The following USP40 variants were observed in gnomAD, a reference collection of about 807,000 sequenced individuals.
USP40 encodes ubiquitin specific peptidase 40.
USP40 carries 143 observed loss-of-function variants against 166.2 expected under a neutral mutation model. The ratio of observed to expected loss-of-function variants is 0.86; its 90% CI spans 0.75 to 0.99. USP40 has a LOEUF of 0.99. Among genes scored for constraint, USP40 ranks in the 50% least tolerant of loss-of-function variants. The probability of loss-of-function intolerance (pLI) is 0.00; values close to 1 mark genes in which losing one functional copy is unlikely to be tolerated. For synonymous variants in USP40, 498 were observed against 524.0 expected (o/e 0.95, Z 0.68); for missense variants, 1,444 against 1,479.7 (o/e 0.98, Z 0.40).
intron 18 of USP40, 74 bp downstream of exon 18, chr2:233,519,540 T>C: frequency 4.2e-6 from 4 of 952,572 alleles, no homozygotes; most frequent in Non-Finnish European, 3.2e-6. Context: ...TTTTTTGTAT[T>C]CTCCTATATT....
intron 10 of USP40, among the ~76,000 whole-genome samples, chr2:233,535,223 C>T (rs2068850732): frequency 6.6e-6 from 1 of 152,170 alleles, no homozygotes; most frequent in South Asian, 2.1e-4. Flanking sequence ...ATGGACAGCT[C>T]AAAGAGCCCA....
rs1425332871 is a variant in USP40, at chr2:233,489,491, A to G, written c.3013-8T>C. The G allele has an allele frequency of 6.3e-7, 1 of 1,582,882 alleles. No homozygotes were observed. Among genetic ancestry groups the G allele is most frequent in the African/African-American group, 1.3e-5 (1 of 74,102 alleles). ...AGGAGGCAAGGTCATGGCCTAGAAA[A>G]AGAAACAGACATTTCTCCAACGGTT... On this transcript the variant is annotated splice_polypyrimidine_tract_variant and splice_region_variant and intron_variant, in intron 26 of 31. Coordinates refer to ENST00000678225, the MANE Select transcript of USP40 (RefSeq NM_001365479.2).
At chr2:233,484,294 T>C (rs1439630707) in intron 30 of USP40, among the ~76,000 whole-genome samples, 1 of 152,244 alleles carries the variant, frequency 6.6e-6, no homozygotes, top group Non-Finnish European at 1.5e-5. Context: ...TGGGAAGAAC[T>C]GATACCTTTA....
At chr2:233,507,078 A>G (rs747575462) in intron 21 of USP40, among the ~76,000 whole-genome samples, 4 of 152,224 alleles carry the variant, frequency 2.6e-5, no homozygotes, top group African/African-American at 4.8e-5. Flanking sequence ...AAAATGCTCA[A>G]CATCACAAAT....
chr2:233,477,409 C>T lies in USP40; in HGVS notation c.3694G>A (p.Val1232Met), dbSNP rs771086885. The T allele has an allele frequency of 5.8e-5, 94 of 1,613,556 alleles. No homozygotes were observed. The highest frequency in any genetic ancestry group is 1.6e-4 in the Middle Eastern group (1 of 6,082). ...RAPETSLSIH[V>M]GSFR The stretch of plus-strand genomic sequence containing the variant: ...CGGCGCGGTTATCTGAAGCTCCCCA[C>T]GTGGATGGAGAGAGAAGTTTCCGGG... The change falls in exon 32 of 32, where the codon GTG becomes ATG. Residue 1232 changes from valine to methionine, a missense_variant. By Grantham distance (21) the Val-to-Met change is conservative. Transcript: ENST00000678225.
chr2:233,566,179 G>A (rs537472487), intron 1 of USP40, among the ~76,000 whole-genome samples: 1 of 152,106 alleles, frequency 6.6e-6, no homozygotes, highest in Admixed American at 6.5e-5. Flanking sequence ...GGGGAGCGGA[G>A]GGCGGGGAAG....
At chr2:233,498,481 G>T in intron 23 of USP40, 67 bp downstream of exon 23, 1 of 1,415,300 alleles carries the variant, frequency 7.1e-7, no homozygotes, top group Non-Finnish European at 9.8e-7. Flanking sequence ...AGTGGAATGG[G>T]TACCTTGTAC....
chr2:233,536,632 CAG>C (rs1482379552), intron 10 of USP40, among the ~76,000 whole-genome samples: 53 of 152,210 alleles, frequency 3.5e-4, no homozygotes, highest in African/African-American at 1.3e-3. Flanking sequence ...GCCTGGGCAA[CAG>C]AGTGAGATCC....
rs900131712 is a variant in USP40, at chr2:233,513,529, A to G, written c.2384-907T>C. Among the ~76,000 whole-genome samples the G allele has an allele frequency of 2.6e-5, 4 of 152,174 alleles. No individual in the cohort carries two copies. The South Asian group carries it at 8.3e-4, about 32-fold the overall frequency. On this transcript the variant is annotated intron_variant, in intron 18 of 31. Transcript: ENST00000678225. ...ATGAATTGTGCCCTGAAGAGCTGGC[A>G]GTCAAGTGTGTACTTTATTCAGTTA...
At chr2:233,491,004 T>C in intron 26 of USP40, 163 bp downstream of exon 26, 3 of 721,096 alleles carry the variant, frequency 4.2e-6, no homozygotes, top group South Asian at 1.5e-5. Context: ...GTCTGCACCA[T>C]GGGCGTGTAT....
chr2:233,551,636 T>C (rs1246518951), intron 6 of USP40, 117 bp from the exon 7 acceptor site: 3 of 973,980 alleles, frequency 3.1e-6, no homozygotes, highest in Non-Finnish European at 3.0e-6. Flanking sequence ...AAATATTACA[T>C]AAACTCATTA....
In USP40 at chr2:233,493,473, T is replaced by A; in HGVS notation, c.2869A>T (p.Asn957Tyr). The change falls in exon 25 of 32, where the codon AAC becomes TAC. Residue 957 changes from asparagine to tyrosine, a missense_variant. By Grantham distance (143) the Asn-to-Tyr change is moderately radical (BLOSUM62 -2). Transcript: ENST00000678225. The surrounding 1 kb of genome is among the most constrained non-coding windows in gnomAD (Gnocchi z 4.7). ...GHWESHQDQT[N>Y]CTSSWGRVWR... is the part of the protein sequence containing the mutation. ...ACTCTGCCCCAAGACGAAGTACAGT[T>A]GGTCTGGTCCTGATGACTCTCCCAG... The A allele has an allele frequency of 6.2e-7, 1 of 1,613,978 alleles. No homozygotes were observed.
chr2:233,509,090 T>C (rs1259209974), intron 21 of USP40, among the ~76,000 whole-genome samples: 2 of 152,118 alleles, frequency 1.3e-5, no homozygotes, highest in South Asian at 2.1e-4. Flanking sequence ...TAGAAAATGG[T>C]ATTTGGCAGC....
chr2:233,532,096 T>G (rs2068579234), intron 11 of USP40, among the ~76,000 whole-genome samples: 1 of 152,186 alleles, frequency 6.6e-6, no homozygotes, highest in South Asian at 2.1e-4. Flanking sequence ...AGTCTTCGTT[T>G]GCAACTCTGT....
In USP40 at chr2:233,480,903, C is replaced by T. The variant is rs2064533780; in HGVS notation, c.3599+300G>A. On this transcript the variant is annotated intron_variant, in intron 31 of 31. Transcript: ENST00000678225. The surrounding 1 kb of genome is among the most constrained non-coding windows in gnomAD (Gnocchi z 4.5). ...CCTGAAGGGAAAGCCAAGAGCCAGG[C>T]AGAGGGTGAGGCTGCGGGTGAGGAG... 6.6e-6 allele frequency among the ~76,000 whole-genome samples: 1 copy of T among 152,028 alleles called. No individual in the cohort carries two copies.
intron 11 of USP40, among the ~76,000 whole-genome samples, chr2:233,532,521 T>A (rs189370673): frequency 6.6e-6 from 1 of 152,360 alleles, no homozygotes; most frequent in Admixed American, 6.5e-5. Flanking sequence ...GCCCTTGAGC[T>A]GCTGCTCAGG....
rs73121108 is a variant in USP40, at chr2:233,486,191, C to T, written c.3198-214G>A. 0.014 allele frequency among the ~76,000 whole-genome samples: 2,114 copies of T among 152,210 alleles called. 47 individuals are homozygous for T. Among genetic ancestry groups the T allele is most frequent in the African/African-American group, 0.048 (1,976 of 41,524 alleles). ...AGAGCGGAAGTGAAGATCCCATTCT[C>T]GGTACACAGCAGAGCCCCCCCAGAC... On this transcript the variant is annotated intron_variant, in intron 28 of 31. Transcript: ENST00000678225. The surrounding 1 kb of genome is among the most constrained non-coding windows in gnomAD (Gnocchi z 4.0).
At chr2:233,500,011 G>T in intron 21 of USP40, 96 bp from the exon 22 acceptor site, 2 of 969,742 alleles carry the variant, frequency 2.1e-6, no homozygotes, top group Non-Finnish European at 3.1e-6. Context: ...ATTTAAGTCT[G>T]ACTATATTTA....
chr2:233,477,448 C>T lies in USP40; in HGVS notation c.3655G>A (p.Ala1219Thr). ...SYILSSAETP[A>T]RPRAPETSLS... ...GAAGTTTCCGGGGCTCGGGGCCGGG[C>T]AGGCGTCTCTGCACTGGAGAGGATG... The change falls in exon 32 of 32, where the codon GCC (alanine) becomes ACC (threonine). Residue 1219 changes from alanine (A) to threonine (T), a missense_variant. Ala to Thr is a moderately conservative substitution (Grantham distance 58). Transcript: ENST00000678225. The T allele has an allele frequency of 6.2e-7, 1 of 1,613,822 alleles. No homozygotes were observed. Among genetic ancestry groups the T allele is most frequent in the Non-Finnish European group, 8.5e-7 (1 of 1,179,882 alleles).
Sources: gnomAD v4.1 joint callset for allele counts (sites outside exome capture counted in the v4.1 genomes callset) on GRCh38, gnomAD v4.1.1 for gene constraint, Gnocchi (gnomAD v3.1) non-coding constraint, MANE v1.5 for transcripts, NCBI Gene and HGNC (gene_info 2026-07-23, HGNC 2026-07-21) for gene names.